Variants in RPS6KA2 observed in about 807,000 individuals in gnomAD.
RPS6KA2 encodes the protein ribosomal protein S6 kinase A2.
Under a neutral mutation model 91.8 loss-of-function variants are expected in RPS6KA2, and 42 were observed. That is an observed-to-expected ratio of 0.46 (90% CI 0.36 to 0.59). The LOEUF (loss-of-function observed/expected upper bound fraction) is 0.59. Ranked by LOEUF, RPS6KA2 falls within the 20% of genes least tolerant of loss-of-function variation. The probability of loss-of-function intolerance (pLI) is 0.00; values close to 1 mark genes in which losing one functional copy is unlikely to be tolerated. For missense variants in RPS6KA2, 798 were observed against 978.5 expected, an observed-to-expected ratio of 0.82 and a Z score of 2.46; for synonymous variants, 414 against 393.6, an observed-to-expected ratio of 1.05 and a Z score of -0.61.
At chr6:166,614,461 C>T (rs532509717) in intron 1 of RPS6KA2, among the ~76,000 whole-genome samples, 2 of 152,372 alleles carry the variant, frequency 1.3e-5, no homozygotes, top group Admixed American at 6.5e-5. Context: ...CCCTGCCCTG[C>T]CCTGGCCCCT....
chr6:166,759,038 A>G (rs1778097862), intron 2 of RPS6KA2, among the ~76,000 whole-genome samples: 1 of 151,410 alleles, frequency 6.6e-6, no homozygotes, highest in Non-Finnish European at 1.5e-5. Flanking sequence ...GCTGATTAAA[A>G]CTCATTTATC....
rs569708282 is a variant in RPS6KA2 at position 166,806,633 on chromosome 6, G to A, written c.123+51567C>T. 2.0e-5 allele frequency among the ~76,000 whole-genome samples: 3 copies of A among 152,226 alleles called. No individual in the cohort carries two copies. The South Asian group carries it at 6.2e-4, about 32-fold the overall frequency. ...ACCTGACCTTCAAGAAATGTTAAAG[G>A]GAGTCCTGAAGATTGAAATGAAAGA... On this transcript the variant is annotated intron_variant, in intron 2 of 21. Coordinates refer to the RPS6KA2 transcript ENST00000503859.
intron 2 of RPS6KA2, among the ~76,000 whole-genome samples, chr6:166,822,480 T>C (rs1779928854): frequency 6.6e-6 from 1 of 152,172 alleles, no homozygotes; most frequent in South Asian, 2.1e-4. Flanking sequence ...GTGGACACCT[T>C]GACTTTTGAT....
At chr6:166,415,716 A>G (rs1778472989) in intron 19 of RPS6KA2, among the ~76,000 whole-genome samples, 1 of 150,742 alleles carries the variant, frequency 6.6e-6, no homozygotes, top group African/African-American at 2.4e-5. Context: ...ACCAGAACTA[A>G]GACATCTACA....
At chr6:166,422,683 G>T (rs1368410421) in intron 17 of RPS6KA2, among the ~76,000 whole-genome samples, 1 of 152,202 alleles carries the variant, frequency 6.6e-6, no homozygotes, top group Non-Finnish European at 1.5e-5. Flanking sequence ...TTCACCAGGT[G>T]CCTGCTAGCT....
At chr6:166,512,825 C>T (rs1408421437) in intron 3 of RPS6KA2, among the ~76,000 whole-genome samples, 3 of 152,218 alleles carry the variant, frequency 2.0e-5, no homozygotes, top group Non-Finnish European at 4.4e-5. Context: ...CCACACTGTG[C>T]CGCTTCAGGT....
chr6:166,575,237 G>A (rs1784804583), intron 1 of RPS6KA2, among the ~76,000 whole-genome samples: 1 of 152,234 alleles, frequency 6.6e-6, no homozygotes, highest in African/African-American at 2.4e-5. Flanking sequence ...TGATTCATGT[G>A]ATTTTTTTGT....
intron 2 of RPS6KA2, among the ~76,000 whole-genome samples, chr6:166,634,458 T>C (rs16899273): frequency 0.015 from 2,278 of 152,238 alleles, 56 homozygotes; most frequent in African/African-American, 0.052. Context: ...AAAATCGAAA[T>C]CGAAATCGCT....
chr6:166,808,187 C>A (rs575243069), intron 2 of RPS6KA2, among the ~76,000 whole-genome samples: 2 of 152,338 alleles, frequency 1.3e-5, no homozygotes, highest in South Asian at 4.1e-4. Flanking sequence ...GGACACACAC[C>A]ACTCCTCAGG....
chr6:166,461,136 G>A (rs1780272122), intron 11 of RPS6KA2, among the ~76,000 whole-genome samples: 1 of 152,152 alleles, frequency 6.6e-6, no homozygotes, highest in African/African-American at 2.4e-5. Context: ...AAGAGCTCAG[G>A]GCGTGCACGC....
Position 166,726,300 on chromosome 6 carries a change from G to A in RPS6KA2, c.123+131900C>T, listed in dbSNP as rs990997050. 6.6e-6 allele frequency among the ~76,000 whole-genome samples: 1 copy of A among 152,196 alleles called. No individual in the cohort carries two copies. Among genetic ancestry groups the A allele is most frequent in the South Asian group, 2.1e-4 (1 of 4,824 alleles). The stretch of plus-strand genomic sequence containing the variant: ...AGAGGCTGACGGCTTGCAAGTAGAT[G>A]TGGAAGATAAAGAAGTAGCAATCCT... On this transcript the variant is annotated intron_variant, in intron 2 of 21. Coordinates refer to the RPS6KA2 transcript ENST00000503859. The surrounding 1 kb of genome is among the most constrained non-coding windows in gnomAD (Gnocchi z 4.4).
At chr6:166,724,585 CCA>C (rs1790281481) in intron 2 of RPS6KA2, among the ~76,000 whole-genome samples, 1 of 152,150 alleles carries the variant, frequency 6.6e-6, no homozygotes, top group Non-Finnish European at 1.5e-5. Context: ...TGTGCTCACC[CCA>C]CTTATGCTTT....
chr6:166,782,637 T>C (rs1778799113), intron 2 of RPS6KA2, among the ~76,000 whole-genome samples: 1 of 152,154 alleles, frequency 6.6e-6, no homozygotes, highest in Non-Finnish European at 1.5e-5. Context: ...ACCAGCAGAA[T>C]TACTCAAAAG....
intron 1 of RPS6KA2, among the ~76,000 whole-genome samples, chr6:166,588,373 G>GA (rs3839528): frequency 0.41 from 62,844 of 151,704 alleles, 13,876 homozygotes; most frequent in African/African-American, 0.55. Context: ...GCTTTCTGCA[G>GA]AAAAAATGAG....
chr6:166,610,038 A>G (rs1488254388), intron 1 of RPS6KA2, among the ~76,000 whole-genome samples: 1 of 151,920 alleles, frequency 6.6e-6, no homozygotes, highest in Non-Finnish European at 1.5e-5. Context: ...CTCTCCTCCT[A>G]TCTCCTCATT....
chr6:166,489,415 C>G (rs1047519348), intron 9 of RPS6KA2, among the ~76,000 whole-genome samples: 1 of 152,180 alleles, frequency 6.6e-6, no homozygotes, highest in Non-Finnish European at 1.5e-5. Flanking sequence ...AGAAAACCTG[C>G]GAGAGGAGGA....
intron 2 of RPS6KA2, among the ~76,000 whole-genome samples, chr6:166,812,736 A>G (rs538246815): frequency 6.6e-6 from 1 of 152,146 alleles, no homozygotes; most frequent in Non-Finnish European, 1.5e-5. Context: ...GAACCTACTT[A>G]TTTGCATGTT....
intron 1 of RPS6KA2, among the ~76,000 whole-genome samples, chr6:166,622,898 G>A (rs1159948829): frequency 6.6e-6 from 1 of 152,190 alleles, no homozygotes; most frequent in African/African-American, 2.4e-5. Context: ...TAGACATTAA[G>A]CTCACTGAGG....
rs1405547749 is a variant in RPS6KA2 at position 166,849,832 on chromosome 6, T to C, written c.123+8368A>G. The stretch of plus-strand genomic sequence containing the variant: ...CCTTCGCTTTCTTTGGAAATGGTTT[T>C]ATAGGGTTTGCTCCATCTGTTCTAC... On this transcript the variant is annotated intron_variant, in intron 2 of 21. Coordinates refer to the RPS6KA2 transcript ENST00000503859. This position sits in a 1 kb window ranked among gnomAD's most constrained non-coding sequence, Gnocchi z 4.9. Among the ~76,000 whole-genome samples the C allele has an allele frequency of 6.6e-6, 1 of 152,210 alleles. No individual in the cohort carries two copies. Among genetic ancestry groups the C allele is most frequent in the Non-Finnish European group, 1.5e-5 (1 of 68,042 alleles).
Sources: gnomAD v4.1 joint callset for allele counts (sites outside exome capture counted in the v4.1 genomes callset) on GRCh38, gnomAD v4.1.1 for gene constraint, Gnocchi (gnomAD v3.1) non-coding constraint, MANE v1.5 for transcripts, NCBI Gene and HGNC (gene_info 2026-07-23, HGNC 2026-07-21) for gene names.